SUPT3H: variants seen among roughly 807,000 people sequenced by gnomAD.
SUPT3H encodes the protein SPT3 homolog, SAGA and STAGA complex component, also known as transcription initiation protein SPT3 homolog.
A neutral mutation model predicts 44.3 loss-of-function variants in SUPT3H; 44 were observed. The ratio of observed to expected loss-of-function variants is 0.99; its 90% CI spans 0.78 to 1.28. SUPT3H has a LOEUF of 1.28. Ranked by LOEUF, SUPT3H falls within the 50% of genes most tolerant of loss-of-function variation. The pLI is 0.00. For missense variants in SUPT3H, 380 were observed against 387.1 expected, an observed-to-expected ratio of 0.98 and a Z score of 0.15; for synonymous variants, 124 against 125.6, an observed-to-expected ratio of 0.99 and a Z score of 0.09.
At chr6:44,974,821 C>T (rs1261372955) in intron 6 of SUPT3H, among the ~76,000 whole-genome samples, 2 of 152,158 alleles carry the variant, frequency 1.3e-5, no homozygotes, top group African/African-American at 4.8e-5. Context: ...CTCTTCACCT[C>T]TGATAAAAAT....
chr6:44,903,395 A>G (rs1765437858), intron 10 of SUPT3H, among the ~76,000 whole-genome samples: 1 of 152,234 alleles, frequency 6.6e-6, no homozygotes, highest in South Asian at 2.1e-4. Context: ...AGAGAATACT[A>G]TAAACACCTC....
chr6:45,040,130 C>CT (rs1460330135), intron 3 of SUPT3H, among the ~76,000 whole-genome samples: 1 of 152,134 alleles, frequency 6.6e-6, no homozygotes, highest in African/African-American at 2.4e-5. Context: ...AGGCCATATG[C>CT]TGTTTCATCT....
At chr6:45,181,830 A>T (rs1334864979) in intron 2 of SUPT3H, among the ~76,000 whole-genome samples, 1 of 151,640 alleles carries the variant, frequency 6.6e-6, no homozygotes, top group Non-Finnish European at 1.5e-5. Flanking sequence ...ACTAACCTGC[A>T]CATTGTGCAC....
chr6:44,919,688 G>T (rs938070792), intron 10 of SUPT3H, among the ~76,000 whole-genome samples: 1 of 151,950 alleles, frequency 6.6e-6, no homozygotes, highest in African/African-American at 2.4e-5. Flanking sequence ...CTCACTCAGG[G>T]TCTTATTCTA....
At chr6:44,916,065 T>C (rs2153454779) in intron 10 of SUPT3H, among the ~76,000 whole-genome samples, 1 of 152,330 alleles carries the variant, frequency 6.6e-6, no homozygotes, top group Admixed American at 6.5e-5. Flanking sequence ...ATAGATTTTC[T>C]CATCTAGATG....
intron 10 of SUPT3H, among the ~76,000 whole-genome samples, chr6:44,905,402 G>A (rs75451300): frequency 5.8e-4 from 19 of 32,926 alleles, no homozygotes; most frequent in South Asian, 3.3e-3. Context: ...TTATGCAGCC[G>A]AAAGACACAT....
At chr6:45,302,139 A>C (rs12524270) in intron 2 of SUPT3H, among the ~76,000 whole-genome samples, 22,797 of 152,020 alleles carry the variant, frequency 0.15, 1,951 homozygotes, top group East Asian at 0.26. Context: ...TGCGGGGGAA[A>C]GGTGGTATTT....
At chr6:45,315,104 G>T (rs1342651727) in intron 2 of SUPT3H, among the ~76,000 whole-genome samples, 1 of 152,056 alleles carries the variant, frequency 6.6e-6, no homozygotes, top group Non-Finnish European at 1.5e-5. Flanking sequence ...AATGAAACTC[G>T]ATCCTCATCT....
At chr6:44,903,329 T>G (rs1441887049) in intron 10 of SUPT3H, among the ~76,000 whole-genome samples, 1 of 151,652 alleles carries the variant, frequency 6.6e-6, no homozygotes, top group Non-Finnish European at 1.5e-5. Context: ...ATAGACACAA[T>G]AAAAAATGAT....
intron 2 of SUPT3H, among the ~76,000 whole-genome samples, chr6:45,199,553 A>AT (rs1053417584): frequency 7.3e-5 from 11 of 151,522 alleles, no homozygotes; most frequent in African/African-American, 2.6e-4. Context: ...CCAAAAGACT[A>AT]TTTTTCCTAC....
chr6:45,022,218 T>G (rs997018658), intron 3 of SUPT3H, among the ~76,000 whole-genome samples: 5 of 152,054 alleles, frequency 3.3e-5, no homozygotes, highest in African/African-American at 1.2e-4. Context: ...ACATGTAATT[T>G]TACTCACATT....
At chr6:45,306,714 C>G in intron 2 of SUPT3H, among the ~76,000 whole-genome samples, 1 of 152,196 alleles carries the variant, frequency 6.6e-6, no homozygotes, top group Non-Finnish European at 1.5e-5. Context: ...ATGAGCGACA[C>G]AGAAGACGGG....
At chr6:45,125,595 T>A (rs1802311282) in intron 2 of SUPT3H, among the ~76,000 whole-genome samples, 1 of 152,128 alleles carries the variant, frequency 6.6e-6, no homozygotes, top group Non-Finnish European at 1.5e-5. Context: ...CTGTTTTGAT[T>A]TGTGATTTCA....
chr6:45,272,281 C>A (rs973475996), intron 2 of SUPT3H, among the ~76,000 whole-genome samples: 1 of 152,100 alleles, frequency 6.6e-6, no homozygotes, highest in African/African-American at 2.4e-5. Flanking sequence ...CCCACCCAAA[C>A]CTCATCTTGA....
chr6:44,995,490 T>C (rs765862352), intron 6 of SUPT3H, among the ~76,000 whole-genome samples: 2 of 152,108 alleles, frequency 1.3e-5, no homozygotes, highest in Non-Finnish European at 2.9e-5. Context: ...TACTTTCTTA[T>C]GTCTAAAATT....
intron 2 of SUPT3H, among the ~76,000 whole-genome samples, chr6:45,345,652 C>T (rs973089017): frequency 6.6e-6 from 1 of 152,140 alleles, no homozygotes; most frequent in Non-Finnish European, 1.5e-5. Flanking sequence ...ATTCTTCATT[C>T]CCATTCCCTC....
chr6:45,312,584 A>G (rs914837050), intron 2 of SUPT3H, among the ~76,000 whole-genome samples: 1 of 149,400 alleles, frequency 6.7e-6, no homozygotes, highest in Non-Finnish European at 1.5e-5. Flanking sequence ...GGAAAATATC[A>G]TAATCCTAAA....
At chr6:44,910,664 C>G (rs1210486383) in intron 10 of SUPT3H, among the ~76,000 whole-genome samples, 2 of 149,002 alleles carry the variant, frequency 1.3e-5, no homozygotes. Flanking sequence ...TCTAATTTCT[C>G]TTTGATTTAG....
chr6:45,269,591 C>G (rs186987038), intron 2 of SUPT3H, among the ~76,000 whole-genome samples: 36 of 152,176 alleles, frequency 2.4e-4, no homozygotes, highest in African/African-American at 8.0e-4. Flanking sequence ...AAGACAATTC[C>G]CTCTACAGAG....
Sources: allele counts gnomAD v4.1 joint callset (sites outside exome capture counted in the v4.1 genomes callset), GRCh38; gene constraint gnomAD v4.1.1; transcripts MANE v1.5; gene names NCBI Gene and HGNC (gene_info 2026-07-23, HGNC 2026-07-21).